The following CD6 variants were observed in gnomAD, a reference collection of about 807,000 sequenced individuals.
CD6 encodes T-cell differentiation antigen CD6.
Under a neutral mutation model 75.3 loss-of-function variants are expected in CD6, and 53 were observed. The observed-to-expected ratio is 0.70, with a 90% CI of 0.56 to 0.88. The LOEUF (loss-of-function observed/expected upper bound fraction) is 0.88. CD6 is among the 40% of genes least tolerant of loss of function. CD6 has a pLI of 0.00. For missense variants in CD6, 770 were observed against 897.1 expected (o/e 0.86, Z 1.81); for synonymous variants, 359 against 381.5 (o/e 0.94, Z 0.69).
intron 1 of CD6, among the ~76,000 whole-genome samples, chr11:60,991,891 T>TAG (rs34214461): frequency 3.3e-5 from 5 of 150,566 alleles, no homozygotes; most frequent in South Asian, 2.1e-4. Flanking sequence ...TATATATCTA[T>TAG]AGAGAGAGAG....
Position 61,020,025 on chromosome 11 carries a change from G to T in CD6, c.*707G>T, listed in dbSNP as rs760939203. The T allele has an allele frequency of 2.5e-6, 1 of 397,404 alleles. No homozygotes were observed. 24.6% of individuals were successfully genotyped at this position (397,404 alleles called of 1,614,324 possible). Reference sequence around the variant, plus strand: ...TCCGCCAGGGGCACAGACCAGTTCTGCAGTGACTGTCCCTGGACAATGGGT... The same window carrying T: ...TCCGCCAGGGGCACAGACCAGTTCTTCAGTGACTGTCCCTGGACAATGGGT... On this transcript the variant is annotated 3_prime_UTR_variant, in exon 13 of 13. Transcript: ENST00000313421.
intron 1 of CD6, among the ~76,000 whole-genome samples, chr11:60,992,376 G>A (rs1323522188): frequency 1.3e-5 from 2 of 151,830 alleles, no homozygotes; most frequent in African/African-American, 2.4e-5. Context: ...AGGCAAGGGG[G>A]GCATGTGAAG....
At chr11:61,013,031 G>A (rs917146588) in intron 6 of CD6, among the ~76,000 whole-genome samples, 5 of 152,264 alleles carry the variant, frequency 3.3e-5, no homozygotes, top group South Asian at 4.1e-4. Context: ...TGATCTCTCC[G>A]CTAGACAAAG....
chr11:60,990,017 T>A (rs993234561), intron 1 of CD6, among the ~76,000 whole-genome samples: 8 of 152,288 alleles, frequency 5.3e-5, no homozygotes, highest in African/African-American at 1.9e-4. Context: ...TTTTTGTTTT[T>A]ATTTTGTTTT....
chr11:60,988,195 C>T (rs1383351449), intron 1 of CD6, among the ~76,000 whole-genome samples: 1 of 152,194 alleles, frequency 6.6e-6, no homozygotes, highest in East Asian at 1.9e-4. Context: ...GAACACTGAG[C>T]CTTCACAGGC....
Position 61,009,879 on chromosome 11 carries a change from C to G in CD6, c.1084+5C>G. 6.5e-7 allele frequency: 1 copy of G among 1,536,656 alleles called. No homozygotes were observed. The highest frequency in any genetic ancestry group is 8.8e-7 in the Non-Finnish European group (1 of 1,142,318). ...CAGCCAGGGTCCTCTGCTCAGGTAC[C>G]CCATCCTACTCCACCCCCCCAGATT... On this transcript the variant is annotated splice_donor_5th_base_variant and intron_variant, in intron 5 of 12. Transcript: ENST00000313421.
In CD6 at chr11:61,008,392, G is replaced by C. The variant is rs75939429; in HGVS notation, c.470-142G>C. The C allele has an allele frequency of 2.2e-4, 173 of 783,832 alleles. No individual in the cohort carries two copies. The African/African-American group carries it at 2.6e-3, about 12-fold the overall frequency. 48.6% of individuals were successfully genotyped at this position (783,832 alleles called of 1,614,324 possible). ...CCTAACCCATCTGCAGTCCTGGGGG[G>C]ATTCCCAGTCTTGCCTACCGGGCTA... is the stretch of plus-strand genomic sequence containing the variant. On this transcript the variant is annotated intron_variant, in intron 3 of 12. Transcript: ENST00000313421.
chr11:61,018,433 G>A, intron 12 of CD6, 40 bp downstream of exon 12: 1 of 1,450,252 alleles, frequency 6.9e-7, no homozygotes, highest in Non-Finnish European at 9.5e-7. Context: ...GGGGGACAGA[G>A]AGGGACTGGG....
intron 1 of CD6, among the ~76,000 whole-genome samples, chr11:61,003,001 G>A (rs575013058): frequency 6.8e-6 from 1 of 147,014 alleles, no homozygotes; most frequent in Admixed American, 6.7e-5. Context: ...GTCTCGCTCT[G>A]TTGGCCAGGC....
chr11:60,990,504 G>A lies in CD6; in HGVS notation c.50-16070G>A, dbSNP rs373786251. Among the ~76,000 whole-genome samples, 55 of 152,210 alleles carry A rather than the reference G, an allele frequency of 3.6e-4. 1 individual carries two copies. The South Asian group carries it at 9.1e-3, about 25-fold the overall frequency. On this transcript the variant is annotated intron_variant, in intron 1 of 12. Transcript: ENST00000313421. ...CTTCCAAAGTGCTGGGATTACAGGC[G>A]TGAGCCACCGCGCCTGGCCTGAGAA...
At chr11:60,986,957 G>A (rs866127515) in intron 1 of CD6, among the ~76,000 whole-genome samples, 5 of 152,098 alleles carry the variant, frequency 3.3e-5, no homozygotes, top group Non-Finnish European at 7.4e-5. Flanking sequence ...GTGAAACCCC[G>A]TCTCTACTAA....
At chr11:61,010,384 T>C (rs1859085961) in intron 5 of CD6, among the ~76,000 whole-genome samples, 1 of 152,150 alleles carries the variant, frequency 6.6e-6, no homozygotes, top group Non-Finnish European at 1.5e-5. Context: ...TTATGTACCA[T>C]AAAGAAGAAC....
chr11:61,016,205 C>T (rs34993077), intron 9 of CD6, among the ~76,000 whole-genome samples: 1,838 of 152,266 alleles, frequency 0.012, 16 homozygotes, highest in Non-Finnish European at 0.017. Context: ...CATATCCCTC[C>T]GTGTCCCATC....
chr11:60,980,332 C>CA (rs371687668), intron 1 of CD6, among the ~76,000 whole-genome samples: 2 of 151,802 alleles, frequency 1.3e-5, no homozygotes, highest in Admixed American at 1.3e-4. Flanking sequence ...GTGTGACCCC[C>CA]ACGTTTACAA....
chr11:61,010,351 G>T (rs544400439), intron 5 of CD6, among the ~76,000 whole-genome samples: 22 of 152,160 alleles, frequency 1.4e-4, no homozygotes, highest in Non-Finnish European at 2.5e-4. Context: ...AGATGGCATT[G>T]TTTATGTCAC....
At chr11:60,987,544 G>GGTGTGTGTGTAGGGT in intron 1 of CD6, among the ~76,000 whole-genome samples, 1 of 150,636 alleles carries the variant, frequency 6.6e-6, no homozygotes, top group Admixed American at 6.7e-5. Context: ...GTGTGTGTAG[G>GGTGTGTGTGTAGGGT]GTGTGTGTGT....
At position 60,978,754 on chromosome 11, in the gene CD6, G is replaced by A. The variant is rs990757408; in HGVS notation, c.49+6840G>A. On this transcript the variant is annotated intron_variant, in intron 1 of 12. Coordinates refer to ENST00000313421, the MANE Select transcript of CD6 (RefSeq NM_006725.5). Reference sequence around the variant, plus strand: ...GTCGTATAGAATCATGGACCCCGGAGTCAGGCAGACGCGGGTTCTGAATTG... The same window carrying A: ...GTCGTATAGAATCATGGACCCCGGAATCAGGCAGACGCGGGTTCTGAATTG... Among the ~76,000 whole-genome samples the A allele has an allele frequency of 2.0e-5, 3 of 152,200 alleles. No homozygotes were observed. In the East Asian group the frequency reaches 5.8e-4, roughly 29 times the overall value.
At chr11:60,972,616 G>A (rs182112304) in intron 1 of CD6, among the ~76,000 whole-genome samples, 4 of 152,314 alleles carry the variant, frequency 2.6e-5, no homozygotes, top group African/African-American at 4.8e-5. Flanking sequence ...TGGCCAGAGC[G>A]GGGCAGGGGC....
intron 1 of CD6, among the ~76,000 whole-genome samples, chr11:60,991,806 A>T (rs1376668879): frequency 6.6e-6 from 1 of 150,860 alleles, no homozygotes; most frequent in South Asian, 2.1e-4. Flanking sequence ...AGTAGCTAGA[A>T]TTACAAGCAT....
Sources: allele counts gnomAD v4.1 joint callset (sites outside exome capture counted in the v4.1 genomes callset), GRCh38; gene constraint gnomAD v4.1.1; transcripts MANE v1.5; gene names NCBI Gene and HGNC (gene_info 2026-07-23, HGNC 2026-07-21).